The following KCNJ6 variants were observed in gnomAD, a reference collection of about 807,000 sequenced individuals.
KCNJ6 encodes potassium inwardly rectifying channel subfamily J member 6.
A neutral mutation model predicts 34.2 loss-of-function variants in KCNJ6; 9 were observed. That is an observed-to-expected ratio of 0.26 (90% CI 0.16 to 0.46). The LOEUF (loss-of-function observed/expected upper bound fraction) is 0.46, where lower values mean the gene tolerates loss of function less well. Ranked by LOEUF, KCNJ6 falls within the 20% of genes least tolerant of loss-of-function variation. The pLI is 1.00. For missense variants in KCNJ6, 236 were observed against 531.3 expected (o/e 0.44, Z 5.46); for synonymous variants, 196 against 207.1 (o/e 0.95, Z 0.46).
intron 3 of KCNJ6, among the ~76,000 whole-genome samples, chr21:37,713,099 G>A (rs1417297773): frequency 2.0e-5 from 3 of 152,136 alleles, no homozygotes; most frequent in Non-Finnish European, 4.4e-5. Flanking sequence ...GTGAGAGGTT[G>A]TGACCTTGCC....
chr21:37,621,841 A>G lies in KCNJ6; in HGVS notation c.*3318T>C, dbSNP rs974128519. ...CAGGCTGGAAGGCCATGTTTGAAGG[A>G]ACAGAAAAGTTGACATTTGCTATGT... On this transcript the variant is annotated 3_prime_UTR_variant, in exon 4 of 4. Coordinates refer to ENST00000609713, the MANE Select transcript of KCNJ6 (RefSeq NM_002240.5). 6.6e-6 allele frequency: 1 copy of G among 152,254 alleles called. No homozygotes were observed. The highest frequency in any genetic ancestry group is 2.4e-5 in the African/African-American group (1 of 41,458). The allele number at this position is 152,254 out of a possible 1,614,324, so 9.4% of individuals were successfully genotyped here.
rs572200701 is a variant in KCNJ6, at chr21:37,822,693, T to C, written c.25+17965A>G. ...TCATAGACCTCTAATCTCTATGGATTCGATTTTGATTGTCTTTTGTGAGGA... is the reference window on the plus strand; with the variant it reads ...TCATAGACCTCTAATCTCTATGGATCCGATTTTGATTGTCTTTTGTGAGGA... On this transcript the variant is annotated intron_variant, in intron 2 of 3. Coordinates refer to ENST00000609713, the MANE Select transcript of KCNJ6 (RefSeq NM_002240.5). 9.1e-4 allele frequency among the ~76,000 whole-genome samples: 138 copies of C among 152,326 alleles called. No individual in the cohort carries two copies. The Middle Eastern group carries it at 0.01, about 11-fold the overall frequency.
intron 3 of KCNJ6, among the ~76,000 whole-genome samples, chr21:37,665,690 C>T (rs994674634): frequency 1.3e-5 from 2 of 152,180 alleles, no homozygotes; most frequent in African/African-American, 4.8e-5. Context: ...TTTAGGTCGA[C>T]CAAGTGTCTG....
In KCNJ6 at chr21:37,615,244, C is replaced by CTTTTTTTT. The variant is rs1156939747; in HGVS notation, c.*9907_*9914dup. 14 of 98,876 alleles carry CTTTTTTTT rather than the reference C, an allele frequency of 1.4e-4. No individual in the cohort carries two copies. The highest frequency in any genetic ancestry group is 4.0e-4 in the African/African-American group (10 of 25,188). 6.1% of individuals were successfully genotyped at this position (98,876 alleles called of 1,614,324 possible). On this transcript the variant is annotated 3_prime_UTR_variant, in exon 4 of 4. Coordinates refer to ENST00000609713, the MANE Select transcript of KCNJ6 (RefSeq NM_002240.5). ...ACCCTCGACTGACATTCCCAGCATTCTTTTTTTTTTTTTTTTTTTTTTTTT... is the reference window on the plus strand; with the variant it reads ...ACCCTCGACTGACATTCCCAGCATTCTTTTTTTTTTTTTTTTTTTTTTTTTTTTTTTTT...
At chr21:37,709,970 T>C (rs1346987424) in intron 3 of KCNJ6, among the ~76,000 whole-genome samples, 1 of 152,188 alleles carries the variant, frequency 6.6e-6, no homozygotes, top group Non-Finnish European at 1.5e-5. Flanking sequence ...GTCTATAAAG[T>C]GTTCTCTGGT....
At chr21:37,833,618 CCAGTTCATGGCTGACCAGTGTGGA>C (rs1296578772) in intron 2 of KCNJ6, among the ~76,000 whole-genome samples, 2 of 151,938 alleles carry the variant, frequency 1.3e-5, no homozygotes, top group Admixed American at 1.3e-4. Context: ...CCTAACATGT[CCAGTTCATGGCTGACCAGTGTGGA>C]CAAGTGGCAT....
chr21:37,730,136 T>G (rs540559585), intron 2 of KCNJ6, among the ~76,000 whole-genome samples: 1 of 152,362 alleles, frequency 6.6e-6, no homozygotes, highest in East Asian at 1.9e-4. Flanking sequence ...CTATTGCTCC[T>G]GATTCTTCCA....
intron 2 of KCNJ6, among the ~76,000 whole-genome samples, chr21:37,729,312 A>G (rs976125265): frequency 6.9e-6 from 1 of 145,966 alleles, no homozygotes; most frequent in African/African-American, 2.6e-5. Context: ...CAGATATTCA[A>G]TACCCTGATT....
chr21:37,722,139 T>C (rs1286361724), intron 2 of KCNJ6, among the ~76,000 whole-genome samples: 1 of 152,178 alleles, frequency 6.6e-6, no homozygotes, highest in Non-Finnish European at 1.5e-5. Context: ...TCAGTGTCAT[T>C]TCTATACACT....
intron 1 of KCNJ6, among the ~76,000 whole-genome samples, chr21:37,879,020 A>G (rs1008346942): frequency 6.6e-6 from 1 of 152,182 alleles, no homozygotes; most frequent in African/African-American, 2.4e-5. Flanking sequence ...ATGGCTCTTC[A>G]GGGAGGTTTG....
chr21:37,653,190 A>G (rs1203542532), intron 3 of KCNJ6, among the ~76,000 whole-genome samples: 2 of 152,224 alleles, frequency 1.3e-5, no homozygotes, highest in African/African-American at 2.4e-5. Flanking sequence ...CAAAGGAGTA[A>G]AAAGGGAATT....
At chr21:37,731,762 T>A (rs1270695757) in intron 2 of KCNJ6, among the ~76,000 whole-genome samples, 2 of 152,172 alleles carry the variant, frequency 1.3e-5, no homozygotes, top group East Asian at 3.9e-4. Flanking sequence ...GACCACCAGA[T>A]ACTTCAGGAA....
chr21:37,838,247 T>A (rs941058583), intron 2 of KCNJ6, among the ~76,000 whole-genome samples: 1 of 152,168 alleles, frequency 6.6e-6, no homozygotes, highest in African/African-American at 2.4e-5. Flanking sequence ...CTAAAACCAA[T>A]AAATCGATAG....
At chr21:37,743,514 C>A (rs555328041) in intron 2 of KCNJ6, among the ~76,000 whole-genome samples, 2 of 152,114 alleles carry the variant, frequency 1.3e-5, no homozygotes, top group African/African-American at 4.8e-5. Flanking sequence ...AGGGCTCCCC[C>A]CTCACGGATG....
intron 2 of KCNJ6, among the ~76,000 whole-genome samples, chr21:37,732,060 A>G (rs986074835): frequency 2.6e-5 from 4 of 152,244 alleles, no homozygotes; most frequent in Non-Finnish European, 4.4e-5. Context: ...GTGGCTGGGG[A>G]AAACAAGCAT....
At chr21:37,717,374 A>AG (rs1286427918) in intron 2 of KCNJ6, 3 of 144,514 alleles carry the variant, frequency 2.1e-5, no homozygotes, top group Non-Finnish European at 4.5e-5. Context: ...CACTGGAGTT[A>AG]GGGTGGGTGT....
chr21:37,910,695 T>A (rs2123653837), intron 1 of KCNJ6, among the ~76,000 whole-genome samples: 1 of 152,348 alleles, frequency 6.6e-6, no homozygotes, highest in South Asian at 2.1e-4. Flanking sequence ...TTCCTGGTCC[T>A]AAGCACAGCC....
chr21:37,654,806 G>A (rs2054450087), intron 3 of KCNJ6, among the ~76,000 whole-genome samples: 1 of 152,188 alleles, frequency 6.6e-6, no homozygotes, highest in South Asian at 2.1e-4. Context: ...TCTTCATCCT[G>A]TCTGCACAGC....
intron 3 of KCNJ6, among the ~76,000 whole-genome samples, chr21:37,694,209 T>C (rs2054653669): frequency 6.6e-6 from 1 of 152,182 alleles, no homozygotes; most frequent in South Asian, 2.1e-4. Flanking sequence ...CACTTTCTGC[T>C]GCTGTGGAGG....
Sources: allele counts gnomAD v4.1 joint callset (sites outside exome capture counted in the v4.1 genomes callset), GRCh38; gene constraint gnomAD v4.1.1; transcripts MANE v1.5; gene names NCBI Gene and HGNC (gene_info 2026-07-23, HGNC 2026-07-21).